Variants in SMC2 observed in about 807,000 individuals in gnomAD.
SMC2 encodes the protein structural maintenance of chromosomes protein 2.
In SMC2, 41 loss-of-function variants were observed where a neutral mutation model predicts 142.6. The observed-to-expected ratio is 0.29, with a 90% confidence interval of 0.22 to 0.37. The LOEUF (loss-of-function observed/expected upper bound fraction) is 0.37. Ranked by LOEUF, SMC2 falls within the 10% of genes least tolerant of loss-of-function variation. The pLI is 1.00. For missense variants in SMC2, 1,265 were observed against 1,373.7 expected, an observed-to-expected ratio of 0.92 and a Z score of 1.25; for synonymous variants, 463 against 457.5, an observed-to-expected ratio of 1.01 and a Z score of -0.15.
intron 22 of SMC2, among the ~76,000 whole-genome samples, chr9:104,133,753 A>G (rs751091615): frequency 5.9e-5 from 9 of 152,112 alleles, no homozygotes; most frequent in Non-Finnish European, 1.2e-4. Context: ...GGGCAGGCCA[A>G]ACAGCTTTCT....
At chr9:104,093,396 G>T (rs1050951999), upstream of SMC2, among the ~76,000 whole-genome samples, 15 of 151,734 alleles carry the variant, frequency 9.9e-5, no homozygotes, top group Non-Finnish European at 1.5e-4. Context: ...GAGCTAGACC[G>T]CCTGGGAACA....
chr9:104,094,471 G>T lies in SMC2; in HGVS notation c.-68G>T. The T allele has an allele frequency of 2.5e-6, 1 of 398,014 alleles. No homozygotes were observed. The highest frequency in any genetic ancestry group is 4.4e-6 in the Non-Finnish European group (1 of 225,768). 24.7% of individuals were successfully genotyped at this position (398,014 alleles called of 1,614,324 possible). ...GGGGTGCGTCAAGCCCCTGGCCTGAGGCAGCGGTGAGGCGTGTGCGTGAGC... is the reference window on the plus strand; with the variant it reads ...GGGGTGCGTCAAGCCCCTGGCCTGATGCAGCGGTGAGGCGTGTGCGTGAGC... On this transcript the variant is annotated 5_prime_UTR_variant, in exon 1 of 25. The change creates a new upstream start codon in the 5' untranslated region. Transcript: ENST00000374793.
At chr9:104,102,339 AGT>A in intron 8 of SMC2, 83 bp from the exon 9 acceptor site, 2 of 1,292,756 alleles carry the variant, frequency 1.5e-6, no homozygotes, top group Admixed American at 2.4e-5. Flanking sequence ...CTTATAAAAA[AGT>A]GTTTGATACA....
chr9:104,099,737 C>A, intron 5 of SMC2, 55 bp downstream of exon 5: 1 of 1,070,728 alleles, frequency 9.3e-7, no homozygotes, highest in Non-Finnish European at 1.4e-6. Context: ...TTACTTTAAT[C>A]TTTCAGACAA....
At chr9:104,126,506 CT>C in intron 18 of SMC2, 134 bp from the exon 19 acceptor site, 1 of 559,234 alleles carries the variant, frequency 1.8e-6, no homozygotes, top group South Asian at 3.7e-5. Context: ...TTAACCTGTA[CT>C]TTCGGTAGCT....
At position 104,139,559 on chromosome 9, in the gene SMC2, G is replaced by A. The variant is rs777466286; in HGVS notation, c.*244G>A. ...ATATCATCAAATGTTTTTTTCTTAT[G>A]CGGGTCTTTTATATATTAGGGATCC... On this transcript the variant is annotated 3_prime_UTR_variant, in exon 25 of 25. Coordinates refer to ENST00000374793, the MANE Select transcript of SMC2 (RefSeq NM_006444.3). 3.1e-6 allele frequency: 1 copy of A among 323,556 alleles called. No individual in the cohort carries two copies. The highest frequency in any genetic ancestry group is 6.9e-5 in the South Asian group (1 of 14,530). 20.0% of individuals were successfully genotyped at this position (323,556 alleles called of 1,614,324 possible). A position where few individuals can be genotyped will look rare whatever the true frequency, so the allele number is the denominator to read the frequency against.
chr9:104,122,301 A>G (rs1356985109), intron 16 of SMC2, among the ~76,000 whole-genome samples: 5 of 152,236 alleles, frequency 3.3e-5, no homozygotes, highest in African/African-American at 1.2e-4. Context: ...TGGAAGAATC[A>G]GCTAAAGCCA....
intron 14 of SMC2, among the ~76,000 whole-genome samples, 161 bp downstream of exon 14, chr9:104,116,480 A>T (rs1833133464): frequency 6.6e-6 from 1 of 152,154 alleles, no homozygotes; most frequent in African/African-American, 2.4e-5. Context: ...GAGAATAGAG[A>T]TGTTGGAAGA....
intron 17 of SMC2, among the ~76,000 whole-genome samples, chr9:104,124,215 T>C (rs1284263123): frequency 6.6e-6 from 1 of 152,104 alleles, no homozygotes; most frequent in Non-Finnish European, 1.5e-5. Context: ...GCCTCCCGAG[T>C]AGCTGGGACT....
intron 9 of SMC2, among the ~76,000 whole-genome samples, chr9:104,103,913 A>G (rs1296798974): frequency 6.6e-6 from 1 of 152,098 alleles, no homozygotes; most frequent in East Asian, 1.9e-4. Flanking sequence ...TCAATTCATC[A>G]ATTACTTTTT....
At position 104,129,770 on chromosome 9, in the gene SMC2, G is replaced by A. The variant is rs1238747992; in HGVS notation, c.2916G>A (p.Leu972=). 3.1e-6 allele frequency: 5 copies of A among 1,613,824 alleles called. No individual in the cohort carries two copies. The highest frequency in any genetic ancestry group is 4.2e-6 in the Non-Finnish European group (5 of 1,179,924). Residue 972 remains leucine (L), a synonymous_variant, in exon 21 of 25, where the codon TTG becomes TTA. Coordinates refer to ENST00000374793, the MANE Select transcript of SMC2 (RefSeq NM_006444.3). ...AAGCTGGTCAGAGACTTCAGAAGTT[G>A]CAAGAAATGAAGGAGAAACTAGGAA... The part of the protein sequence containing the change: ...PKEAGQRLQK[L]QEMKEKLGRN...
In SMC2 at chr9:104,139,551, T is replaced by C; in HGVS notation, c.*236T>C. ...TTTTATGCATATCATCAAATGTTTT[T>C]TTCTTATGCGGGTCTTTTATATATT... On this transcript the variant is annotated 3_prime_UTR_variant, in exon 25 of 25. Transcript: ENST00000374793. 1 of 345,550 alleles carries C rather than the reference T, an allele frequency of 2.9e-6. No individual in the cohort carries two copies. The highest frequency in any genetic ancestry group is 5.4e-5 in the East Asian group (1 of 18,658). The allele number at this position is 345,550 out of a possible 1,614,324, so 21.4% of individuals were successfully genotyped here. A position where few individuals can be genotyped will look rare whatever the true frequency, so the allele number is the denominator to read the frequency against.
intron 17 of SMC2, among the ~76,000 whole-genome samples, chr9:104,124,403 C>G (rs2131483797): frequency 6.6e-6 from 1 of 152,096 alleles, no homozygotes; most frequent in South Asian, 2.1e-4. Context: ...TTTTCTTTCA[C>G]AGATTTGGGG....
At chr9:104,092,345 G>C (rs1401517756), upstream of SMC2, 2 of 152,216 alleles carry the variant, frequency 1.3e-5, no homozygotes, top group Non-Finnish European at 2.9e-5. Flanking sequence ...TCCATGTGAC[G>C]TAAGTGTATC....
At chr9:104,138,509 G>C (rs7859280) in intron 24 of SMC2, among the ~76,000 whole-genome samples, 8,514 of 152,188 alleles carry the variant, frequency 0.056, 644 homozygotes, top group African/African-American at 0.18. Flanking sequence ...ATATTTAACT[G>C]AGGTATCAGA....
intron 22 of SMC2, among the ~76,000 whole-genome samples, chr9:104,134,185 G>A (rs1474647644): frequency 6.6e-6 from 1 of 151,974 alleles, no homozygotes; most frequent in Non-Finnish European, 1.5e-5. Flanking sequence ...TTGCTTGGGA[G>A]CCCATCCAGT....
Position 104,094,494 on chromosome 9 carries a change from A to G in SMC2, c.-62+17A>G, listed in dbSNP as rs868257598. On this transcript the variant is annotated intron_variant, in intron 1 of 24. Coordinates refer to ENST00000374793, the MANE Select transcript of SMC2 (RefSeq NM_006444.3). Reference sequence around the variant, plus strand: ...GAGGCAGCGGTGAGGCGTGTGCGTGAGCACGGCCGGTTGGGCCGGGCCAGA... The same window carrying G: ...GAGGCAGCGGTGAGGCGTGTGCGTGGGCACGGCCGGTTGGGCCGGGCCAGA... The G allele has an allele frequency of 1.4e-3, 357 of 263,640 alleles. No homozygotes were observed. The highest frequency in any genetic ancestry group is 6.7e-3 in the South Asian group (41 of 6,084). The allele number at this position is 263,640 out of a possible 1,614,324, so 16.3% of individuals were successfully genotyped here.
At chr9:104,089,131 G>C in the SMC2 span, among the ~76,000 whole-genome samples, 8 of 152,176 alleles carry the variant, frequency 5.3e-5, no homozygotes, top group Admixed American at 1.3e-4. Context: ...GGTTTATATA[G>C]AGGGAAGAGG....
chr9:104,132,497 T>G (rs1416601773), intron 22 of SMC2, among the ~76,000 whole-genome samples: 1 of 152,128 alleles, frequency 6.6e-6, no homozygotes, highest in Non-Finnish European at 1.5e-5. Flanking sequence ...ATAGGATAAT[T>G]CCTTAGCCTC....
Sources: gnomAD v4.1 joint callset for allele counts (sites outside exome capture counted in the v4.1 genomes callset) on GRCh38, gnomAD v4.1.1 for gene constraint, MANE v1.5 for transcripts, NCBI Gene and HGNC (gene_info 2026-07-23, HGNC 2026-07-21) for gene names.